The following BICD2 variants were observed in gnomAD, a reference collection of about 807,000 sequenced individuals.
BICD2 encodes the protein protein bicaudal D homolog 2.
BICD2 carries 25 observed loss-of-function variants against 72.9 expected under a neutral mutation model. That is an observed-to-expected ratio of 0.34 (90% CI 0.25 to 0.48). BICD2 has a LOEUF of 0.48. Among genes scored for constraint, BICD2 ranks in the 20% least tolerant of loss-of-function variants. The pLI, the probability that BICD2 is intolerant of heterozygous loss-of-function variation, is 0.99. For missense variants in BICD2, 894 were observed against 1,175.2 expected (o/e 0.76, Z 3.50); for synonymous variants, 501 against 516.1 (o/e 0.97, Z 0.40).
chr9:92,722,582 G>A, intron 3 of BICD2, 74 bp downstream of exon 3: 1 of 1,585,318 alleles, frequency 6.3e-7, no homozygotes, highest in East Asian at 2.3e-5. Flanking sequence ...CCAACAGGGA[G>A]AGGGGCTGAG....
Position 92,719,126 on chromosome 9 carries a change from T to C in BICD2, c.1519A>G (p.Lys507Glu). 6.2e-7 allele frequency: 1 copy of C among 1,612,564 alleles called. No individual in the cohort carries two copies. Among genetic ancestry groups the C allele is most frequent in the East Asian group, 2.2e-5 (1 of 44,868 alleles). Reference protein sequence around the residue: ...ELLARLEKELKKVSDVAGETQ... With the variant: ...ELLARLEKELEKVSDVAGETQ... ...TCGCCGGCGACGTCGCTCACCTTCT[T>C]TAGCTCCTTCTCCAGCCGGGCCAGC... Residue 507 changes from lysine (K) to glutamate (E), a missense_variant, in exon 5 of 7, where the codon AAG (lysine) becomes GAG (glutamate). Transcript: ENST00000356884.
At position 92,715,017 on chromosome 9, in the gene BICD2, C is replaced by A. The variant is rs1853272480; in HGVS notation, c.*137G>T. 2 of 1,427,128 alleles carry A rather than the reference C, an allele frequency of 1.4e-6. No individual in the cohort carries two copies. Among genetic ancestry groups the A allele is most frequent in the Non-Finnish European group, 9.2e-7 (1 of 1,090,300 alleles). 88.4% of individuals were successfully genotyped at this position (1,427,128 alleles called of 1,614,324 possible). ...TCACAAGTGTCCTGCTGATGCAACGCCCCATGGCGCCTCGGCTAGACTCCT... is the reference window on the plus strand; with the variant it reads ...TCACAAGTGTCCTGCTGATGCAACGACCCATGGCGCCTCGGCTAGACTCCT... On this transcript the variant is annotated 3_prime_UTR_variant, in exon 7 of 7. Transcript: ENST00000356884.
At chr9:92,758,421 G>A (rs1340672224) in intron 1 of BICD2, among the ~76,000 whole-genome samples, 53 of 150,122 alleles carry the variant, frequency 3.5e-4, no homozygotes, top group East Asian at 2.0e-4. Context: ...GTGTGGTGGC[G>A]CGCACCTGTA....
chr9:92,754,693 A>G (rs1353780872), intron 1 of BICD2, among the ~76,000 whole-genome samples: 6 of 152,348 alleles, frequency 3.9e-5, no homozygotes, highest in African/African-American at 1.4e-4. Context: ...ATACTTTTGT[A>G]ATTTCTTATG....
intron 1 of BICD2, among the ~76,000 whole-genome samples, chr9:92,761,718 C>G (rs1344926530): frequency 6.6e-6 from 1 of 152,226 alleles, no homozygotes; most frequent in Non-Finnish European, 1.5e-5. Context: ...ACCAGGAACA[C>G]CAGGTTGCTG....
rs1447469984 is a variant in BICD2, at chr9:92,715,183, T to C, written c.2539A>G (p.Ser847Gly). 6.2e-7 allele frequency: 1 copy of C among 1,606,164 alleles called. No homozygotes were observed. The highest frequency in any genetic ancestry group is 1.1e-5 in the South Asian group (1 of 90,586). Reference protein sequence around the residue: ...GTGLANQVFCSEKHSIYCD With the variant: ...GTGLANQVFCGEKHSIYCD ...TCACAGTAAATGCTGTGCTTCTCGCTGCAGAACACCTGGTTGGCCAGCCCG... is the reference window on the plus strand; with the variant it reads ...TCACAGTAAATGCTGTGCTTCTCGCCGCAGAACACCTGGTTGGCCAGCCCG... The change falls in exon 7 of 7, where the codon AGC becomes GGC. Residue 847 changes from serine to glycine, a missense_variant. Ser to Gly is a moderately conservative substitution (Grantham distance 56). This residue lies in a region of BICD2 where 321 missense variants were observed against 443.9 expected (regional missense o/e 0.72). Transcript: ENST00000356884.
chr9:92,719,835 A>G (rs1175772249), intron 4 of BICD2, among the ~76,000 whole-genome samples: 3 of 152,178 alleles, frequency 2.0e-5, no homozygotes, highest in Non-Finnish European at 4.4e-5. Context: ...TCTTTCCCCA[A>G]CCATGCTACA....
intron 1 of BICD2, among the ~76,000 whole-genome samples, chr9:92,751,133 T>TG (rs1160583881): frequency 8.7e-5 from 13 of 149,664 alleles, no homozygotes; most frequent in Admixed American, 7.4e-4. Context: ...GTGGTTGGTT[T>TG]TTTGTTGTTG....
intron 1 of BICD2, among the ~76,000 whole-genome samples, chr9:92,763,713 C>A (rs150344553): frequency 6.0e-4 from 92 of 152,340 alleles, no homozygotes; most frequent in African/African-American, 2.0e-3. Context: ...ACTCTCCCCC[C>A]AGTGGGAATG....
rs753160316 is a variant in BICD2 at position 92,718,927 on chromosome 9, G to C, written c.1718C>G (p.Thr573Ser). 8.1e-6 allele frequency: 13 copies of C among 1,608,106 alleles called. No homozygotes were observed. Among genetic ancestry groups the C allele is most frequent in the Non-Finnish European group, 1.0e-5 (12 of 1,178,994 alleles). ...GAGRTSPGGR[T>S]SPEARGRRSP... is the part of the protein sequence containing the mutation. ...GCGCCGGCCACGCGCCTCGGGGCTGGTGCGGCCCCCGGGACTGGTGCGGCC... is the reference window on the plus strand; with the variant it reads ...GCGCCGGCCACGCGCCTCGGGGCTGCTGCGGCCCCCGGGACTGGTGCGGCC... The change falls in exon 5 of 7, where the codon ACC becomes AGC. Residue 573 changes from threonine (T) to serine (S), a missense_variant. Physicochemically the swap from Thr to Ser is moderately conservative, Grantham distance 58. Around this residue, in one of 5 missense-constraint regions of BICD2, gnomAD observed 321 missense variants for 443.9 expected, o/e 0.72. Transcript: ENST00000356884.
intron 1 of BICD2, among the ~76,000 whole-genome samples, chr9:92,744,262 G>A (rs745743543): frequency 3.0e-4 from 45 of 152,192 alleles, no homozygotes; most frequent in Non-Finnish European, 4.0e-4. Context: ...CCAGTCTCAC[G>A]ATGCTGAGTG....
chr9:92,727,050 C>T (rs1853581342), intron 2 of BICD2, among the ~76,000 whole-genome samples: 1 of 152,138 alleles, frequency 6.6e-6, no homozygotes, highest in Non-Finnish European at 1.5e-5. Flanking sequence ...ATACACACAG[C>T]CCCTCCTCCC....
chr9:92,732,672 CA>C (rs1238616747), intron 1 of BICD2, among the ~76,000 whole-genome samples: 1 of 151,986 alleles, frequency 6.6e-6, no homozygotes, highest in Non-Finnish European at 1.5e-5. Context: ...TTTTAAACAA[CA>C]AAACAAAAAA....
At chr9:92,731,901 C>A (rs189845393) in intron 1 of BICD2, among the ~76,000 whole-genome samples, 9 of 152,308 alleles carry the variant, frequency 5.9e-5, no homozygotes, top group Admixed American at 5.9e-4. Flanking sequence ...GGGAGCACTC[C>A]CAGGGCCTGA....
At chr9:92,716,035 GA>G (rs776717149) in intron 6 of BICD2, among the ~76,000 whole-genome samples, 22 of 152,342 alleles carry the variant, frequency 1.4e-4, no homozygotes, top group South Asian at 1.2e-3. Flanking sequence ...GGAGCTGTGG[GA>G]GGGTGTGGTC....
At chr9:92,719,655 G>A in intron 4 of BICD2, 73 bp from the exon 5 acceptor site, 1 of 1,449,454 alleles carries the variant, frequency 6.9e-7, no homozygotes, top group South Asian at 1.4e-5. Context: ...CCCCCAAGAT[G>A]GCCTAGTGAC....
chr9:92,744,901 A>G (rs1853977408), intron 1 of BICD2, among the ~76,000 whole-genome samples: 1 of 152,200 alleles, frequency 6.6e-6, no homozygotes, highest in African/African-American at 2.4e-5. Context: ...AAGGGATGAC[A>G]TATTTGCCAA....
At chr9:92,749,598 A>G (rs1238257635) in intron 1 of BICD2, among the ~76,000 whole-genome samples, 1 of 152,228 alleles carries the variant, frequency 6.6e-6, no homozygotes, top group Admixed American at 6.5e-5. Flanking sequence ...AGCTGCTTTT[A>G]GAAAACTGGG....
chr9:92,762,788 A>C (rs1854398214), intron 1 of BICD2, among the ~76,000 whole-genome samples: 7 of 152,224 alleles, frequency 4.6e-5, no homozygotes. Flanking sequence ...CAGGGACTGT[A>C]GAGGCTGCCC....
Sources: gnomAD v4.1 joint callset for allele counts (sites outside exome capture counted in the v4.1 genomes callset) on GRCh38, gnomAD v4.1.1 for gene constraint, gnomAD v4.1.1 regional missense constraint, MANE v1.5 for transcripts, NCBI Gene and HGNC (gene_info 2026-07-23, HGNC 2026-07-21) for gene names.